The following KRT31 variants were observed in gnomAD, a reference collection of about 807,000 sequenced individuals.
The protein encoded by KRT31 is keratin, type I cuticular Ha1.
In KRT31, 27 loss-of-function variants were observed where a neutral mutation model predicts 40.8. The observed-to-expected ratio is 0.66, with a 90% CI of 0.49 to 0.91. KRT31 has a LOEUF of 0.91. Ranked by LOEUF, KRT31 falls within the 40% of genes least tolerant of loss-of-function variation. The probability of loss-of-function intolerance (pLI) is 0.00; values close to 1 mark genes in which losing one functional copy is unlikely to be tolerated. For missense variants in KRT31, 510 were observed against 544.1 expected (o/e 0.94, Z 0.62); for synonymous variants, 231 against 231.9 (o/e 1.00, Z 0.03).
rs1160134847 is a variant in KRT31, at chr17:41,397,182, T to C, written c.348+10A>G. 6.2e-7 allele frequency: 1 copy of C among 1,612,562 alleles called. No individual in the cohort carries two copies. Among genetic ancestry groups the C allele is most frequent in the African/African-American group, 1.3e-5 (1 of 74,898 alleles). On this transcript the variant is annotated intron_variant, in intron 1 of 6. Transcript: ENST00000251645. Reference sequence around the variant, plus strand: ...CTCTCTTGCTTGGAGATGACAGCAATGCCGCTCACCTTCTGCTGGAGCTCC... The same window carrying C: ...CTCTCTTGCTTGGAGATGACAGCAACGCCGCTCACCTTCTGCTGGAGCTCC...
chr17:41,393,883 T>G lies in KRT31; in HGVS notation c.*133A>C. Reference sequence around the variant, plus strand: ...GGGAGGCTACAGGCTTTGGGTGAGTTTCTTGGCTGCCTTACGCGGGCAACT... The same window carrying G: ...GGGAGGCTACAGGCTTTGGGTGAGTGTCTTGGCTGCCTTACGCGGGCAACT... On this transcript the variant is annotated 3_prime_UTR_variant, in exon 7 of 7. Transcript: ENST00000251645. The G allele has an allele frequency of 1.0e-6, 1 of 983,664 alleles. No individual in the cohort carries two copies. Among genetic ancestry groups the G allele is most frequent in the African/African-American group, 1.7e-5 (1 of 60,178 alleles). 60.9% of individuals were successfully genotyped at this position (983,664 alleles called of 1,614,324 possible). A position where few individuals can be genotyped will look rare whatever the true frequency, so the allele number is the denominator to read the frequency against.
chr17:41,395,763 A>T lies in KRT31; in HGVS notation c.589-140T>A, dbSNP rs377109624. The T allele has an allele frequency of 1.6e-5, 16 of 979,786 alleles. No individual in the cohort carries two copies. In the South Asian group the frequency reaches 2.9e-4, roughly 18 times the overall value. 60.7% of individuals were successfully genotyped at this position (979,786 alleles called of 1,614,324 possible). On this transcript the variant is annotated intron_variant, in intron 3 of 6. Coordinates refer to ENST00000251645, the MANE Select transcript of KRT31 (RefSeq NM_002277.3). ...GGAGCAGTTTGTGACAGCTCAAGGCACTCCATGTGGCATAGCCCCCTCCCC... is the reference window on the plus strand; with the variant it reads ...GGAGCAGTTTGTGACAGCTCAAGGCTCTCCATGTGGCATAGCCCCCTCCCC...
rs1290657422 is a variant in KRT31 at position 41,396,511 on chromosome 17, A to T, written c.497T>A (p.Leu166Gln). 6.2e-7 allele frequency: 1 copy of T among 1,614,206 alleles called. No homozygotes were observed. Among genetic ancestry groups the T allele is most frequent in the African/African-American group, 1.3e-5 (1 of 75,060 alleles). Residue 166 changes from leucine to glutamine, a missense_variant, in exon 3 of 7, where the codon CTG becomes CAG. Physicochemically the swap from Leu to Gln is moderately radical, Grantham distance 113 (BLOSUM62 -2). Coordinates refer to ENST00000251645, the MANE Select transcript of KRT31 (RefSeq NM_002277.3). ...GGACTTGCACAGGGTCAGCTCATCC[A>T]GGATCCTGCGCAGACCGTTGATGTC... ...ESDINGLRRI[L>Q]DELTLCKSDL... is the part of the protein sequence containing the mutation.
In KRT31 at chr17:41,396,796, C is replaced by T. The variant is rs188370585; in HGVS notation, c.431+117G>A. ...TTGCATTTCTTTGCTTGGTTCTCCC[C>T]AGTCCTCTGCAGAATCCTTCACAAC... On this transcript the variant is annotated intron_variant, in intron 2 of 6. Transcript: ENST00000251645. 1.2e-5 allele frequency: 13 copies of T among 1,046,914 alleles called. No homozygotes were observed. The East Asian group carries it at 2.7e-4, about 22-fold the overall frequency. 64.9% of individuals were successfully genotyped at this position (1,046,914 alleles called of 1,614,324 possible). A position where few individuals can be genotyped will look rare whatever the true frequency, so the allele number is the denominator to read the frequency against.
At chr17:41,395,221 C>T (rs752188469) in intron 5 of KRT31, 24 bp downstream of exon 5, 17 of 1,612,482 alleles carry the variant, frequency 1.1e-5, no homozygotes, top group Non-Finnish European at 1.2e-5. Flanking sequence ...CCGTCGCTCA[C>T]CAGCAGGTCT....
rs770166237 is a variant in KRT31, at chr17:41,393,973, G to A, written c.*43C>T. The A allele has an allele frequency of 6.2e-7, 1 of 1,600,820 alleles. No homozygotes were observed. The highest frequency in any genetic ancestry group is 1.1e-5 in the South Asian group (1 of 89,940). On this transcript the variant is annotated 3_prime_UTR_variant, in exon 7 of 7. Coordinates refer to ENST00000251645, the MANE Select transcript of KRT31 (RefSeq NM_002277.3). ...ACCAGAGCCAGGTCACAGCTCTGGAGTCCTGGGCCCTGCATCCTTGCTCCT... is the reference window on the plus strand; with the variant it reads ...ACCAGAGCCAGGTCACAGCTCTGGAATCCTGGGCCCTGCATCCTTGCTCCT...
At position 41,396,559 on chromosome 17, in the gene KRT31, G is replaced by T; in HGVS notation, c.449C>A (p.Ser150Tyr). Residue 150 changes from serine to tyrosine, a missense_variant, in exon 3 of 7, where the codon TCC becomes TAC. Transcript: ENST00000251645. ...GTCCGACTCCACCAGCTGCCGCAGG[G>T]ACAGCTCGGTCTGGTACCTGCGCAA... ...DFRTKYQTELSLRQLVESDIN... is the reference protein window; with the variant it reads ...DFRTKYQTELYLRQLVESDIN... 6.2e-7 allele frequency: 1 copy of T among 1,614,020 alleles called. No individual in the cohort carries two copies. Among genetic ancestry groups the T allele is most frequent in the South Asian group, 1.1e-5 (1 of 91,064 alleles).
chr17:41,396,239 T>C (rs1298234628), intron 3 of KRT31, among the ~76,000 whole-genome samples, 181 bp downstream of exon 3: 1 of 152,244 alleles, frequency 6.6e-6, no homozygotes, highest in East Asian at 1.9e-4. Context: ...AAGTGAAAGA[T>C]GTTTCCTGTC....
chr17:41,395,024 G>A lies in KRT31; in HGVS notation c.921C>T (p.Tyr307=). 1.2e-6 allele frequency: 2 copies of A among 1,614,272 alleles called. No homozygotes were observed. Among genetic ancestry groups the A allele is most frequent in the Non-Finnish European group, 1.7e-6 (2 of 1,180,054 alleles). ...ENTLTESEAR[Y]SSQLSQVQSL... ...TCTGCACCTGGGACAGCTGGGAGCT[G>A]TAGCGGGCCTCACTCTCTGTCAGCG... Residue 307 remains tyrosine (Y), a synonymous_variant, in exon 6 of 7, where the codon TAC becomes TAT. Transcript: ENST00000251645.
In KRT31 at chr17:41,397,246, C is replaced by T. The variant is rs752764312; in HGVS notation, c.294G>A (p.Leu98=). The T allele has an allele frequency of 2.5e-6, 4 of 1,614,230 alleles. No homozygotes were observed. The highest frequency in any genetic ancestry group is 3.4e-6 in the Non-Finnish European group (4 of 1,180,036). Residue 98 remains leucine (L), a synonymous_variant, in exon 1 of 7, where the codon TTG becomes TTA. Transcript: ENST00000251645. ...IRERSQQQEP[L]LCPSYQSYFK... ...AATAGGACTGGTAACTGGGGCACAG[C>T]AAGGGCTCCTGCTGCTGAGACCGCT...
intron 1 of KRT31, 66 bp downstream of exon 1, chr17:41,397,126 A>G (rs544113705): frequency 6.3e-7 from 1 of 1,589,324 alleles, no homozygotes; most frequent in Admixed American, 1.7e-5. Context: ...CAAGAAACAC[A>G]CTTCTCTATC....
At chr17:41,396,681 T>A in intron 2 of KRT31, 105 bp from the exon 3 acceptor site, 1 of 1,334,844 alleles carries the variant, frequency 7.5e-7, no homozygotes, top group Non-Finnish European at 1.0e-6. Context: ...CTGTAATGAA[T>A]AGGCCCAGGA....
rs767887288 is a variant in KRT31, at chr17:41,395,049, G to A, written c.896C>T (p.Thr299Met). 29 of 1,614,124 alleles carry A rather than the reference G, an allele frequency of 1.8e-5. No individual in the cohort carries two copies. The highest frequency in any genetic ancestry group is 2.1e-5 in the Non-Finnish European group (25 of 1,180,060). ...GTAGCGGGCCTCACTCTCTGTCAGCGTGTTTTCCAGAGAGTCTCGCTGTGG... is the reference window on the plus strand; with the variant it reads ...GTAGCGGGCCTCACTCTCTGTCAGCATGTTTTCCAGAGAGTCTCGCTGTGG... ...QHNLRDSLEN[T>M]LTESEARYSS... is the part of the protein sequence containing the mutation. Residue 299 changes from threonine (T) to methionine (M), a missense_variant, in exon 6 of 7, where the codon ACG becomes ATG. Coordinates refer to ENST00000251645, the MANE Select transcript of KRT31 (RefSeq NM_002277.3).
rs142694941 is a variant in KRT31, at chr17:41,394,985, G to C, written c.960C>G (p.Asn320Lys). The change falls in exon 6 of 7, where the codon AAC (asparagine) becomes AAG (lysine). Residue 320 changes from asparagine to lysine, a missense_variant. Physicochemically the swap from Asn to Lys is moderately conservative, Grantham distance 94 (BLOSUM62 0). Transcript: ENST00000251645. Reference protein sequence around the residue: ...QLSQVQSLITNVESQLAEIRS... With the variant: ...QLSQVQSLITKVESQLAEIRS... ...GGATCTCCGCCAGCTGGGACTCCAC[G>C]TTGGTGATCAGGCTCTGCACCTGGG... 43 of 1,614,140 alleles carry C rather than the reference G, an allele frequency of 2.7e-5. No homozygotes were observed. Among genetic ancestry groups the C allele is most frequent in the Non-Finnish European group, 3.6e-5 (43 of 1,180,054 alleles).
At chr17:41,395,422 G>T (rs754053759) in intron 4 of KRT31, 40 bp downstream of exon 4, 18 of 1,613,890 alleles carry the variant, frequency 1.1e-5, no homozygotes, top group Non-Finnish European at 1.4e-5. Flanking sequence ...GGGCCCTGGG[G>T]GGCCTTGGGT....
intron 6 of KRT31, 27 bp from the exon 7 acceptor site, chr17:41,394,196 A>C: frequency 6.2e-7 from 1 of 1,609,120 alleles, no homozygotes; most frequent in Non-Finnish European, 8.5e-7. Flanking sequence ...GATGTGGAAA[A>C]GTGAGTTAAG....
Position 41,397,409 on chromosome 17 carries a change from C to T in KRT31, c.131G>A (p.Cys44Tyr). ...ACNIPANVSN[C>Y]NWFCEGSFNG... Reference sequence around the variant, plus strand: ...GAAGGAGCCCTCGCAGAACCAGTTGCAGTTGCTCACATTGGCGGGGATGTT... The same window carrying T: ...GAAGGAGCCCTCGCAGAACCAGTTGTAGTTGCTCACATTGGCGGGGATGTT... The change falls in exon 1 of 7, where the codon TGC becomes TAC. Residue 44 changes from cysteine (C) to tyrosine (Y), a missense_variant. Physicochemically the swap from Cys to Tyr is radical, Grantham distance 194. Transcript: ENST00000251645. 1 of 1,612,962 alleles carries T rather than the reference C, an allele frequency of 6.2e-7. No individual in the cohort carries two copies. Among genetic ancestry groups the T allele is most frequent in the Non-Finnish European group, 8.5e-7 (1 of 1,180,038 alleles).
At chr17:41,394,506 G>T (rs1268476262) in intron 6 of KRT31, among the ~76,000 whole-genome samples, 2 of 152,144 alleles carry the variant, frequency 1.3e-5, no homozygotes, top group Non-Finnish European at 2.9e-5. Flanking sequence ...CCCACCTGGT[G>T]GTAATTATAA....
chr17:41,394,276 G>C (rs1400886999), intron 6 of KRT31, 107 bp from the exon 7 acceptor site: 2 of 1,193,752 alleles, frequency 1.7e-6, no homozygotes, highest in African/African-American at 3.1e-5. Context: ...GACTTGACCT[G>C]GCCTAGAACA....
Sources: gnomAD v4.1 joint callset for allele counts (sites outside exome capture counted in the v4.1 genomes callset) on GRCh38, gnomAD v4.1.1 for gene constraint, MANE v1.5 for transcripts, NCBI Gene and HGNC (gene_info 2026-07-23, HGNC 2026-07-21) for gene names.